EPHA6: variants seen among roughly 807,000 people sequenced by gnomAD.
EPHA6 encodes ephrin type-A receptor 6.
Under a neutral mutation model 112.0 loss-of-function variants are expected in EPHA6, and 50 were observed. The observed-to-expected ratio is 0.45, with a 90% CI of 0.36 to 0.56. The LOEUF (loss-of-function observed/expected upper bound fraction) is 0.56, where lower values mean the gene tolerates loss of function less well. EPHA6 is among the 20% of genes least tolerant of loss of function. EPHA6 has a pLI of 0.00. For synonymous variants in EPHA6, 529 were observed against 490.7 expected, an observed-to-expected ratio of 1.08 and a Z score of -1.03; for missense variants, 1,280 against 1,417.4, an observed-to-expected ratio of 0.90 and a Z score of 1.56.
chr3:97,465,862 T>C (rs1158022880), intron 7 of EPHA6, among the ~76,000 whole-genome samples: 3 of 152,070 alleles, frequency 2.0e-5, no homozygotes, highest in Non-Finnish European at 4.4e-5. Flanking sequence ...CTCCAGTATT[T>C]TGGTGATAAT....
At chr3:97,454,043 G>A (rs1185852646) in intron 7 of EPHA6, among the ~76,000 whole-genome samples, 2 of 151,706 alleles carry the variant, frequency 1.3e-5, no homozygotes, top group Non-Finnish European at 3.0e-5. Flanking sequence ...GGAAAAATTA[G>A]ATTATTTGGA....
chr3:97,516,250 G>A (rs2092447225), intron 10 of EPHA6, among the ~76,000 whole-genome samples: 1 of 152,120 alleles, frequency 6.6e-6, no homozygotes, highest in African/African-American at 2.4e-5. Context: ...AACAGTTAGG[G>A]GTGACACCAG....
intron 2 of EPHA6, among the ~76,000 whole-genome samples, chr3:96,945,706 AT>A (rs779683506): frequency 4.6e-5 from 7 of 152,076 alleles, no homozygotes; most frequent in East Asian, 3.9e-4. Context: ...GATGAAAAAA[AT>A]ATATATATAT....
intron 12 of EPHA6, among the ~76,000 whole-genome samples, chr3:97,603,944 T>C (rs890874211): frequency 1.3e-5 from 2 of 151,784 alleles, no homozygotes; most frequent in Admixed American, 1.3e-4. Flanking sequence ...ACTTCTTAGC[T>C]TAGGATTCAA....
At chr3:97,563,718 G>T (rs2093223862) in intron 11 of EPHA6, among the ~76,000 whole-genome samples, 1 of 152,126 alleles carries the variant, frequency 6.6e-6, no homozygotes, top group African/African-American at 2.4e-5. Flanking sequence ...ACAGTGAATG[G>T]AGTATAAGAA....
intron 6 of EPHA6, among the ~76,000 whole-genome samples, 166 bp from the exon 7 acceptor site, chr3:97,448,402 T>C (rs917451004): frequency 1.3e-5 from 2 of 152,182 alleles, no homozygotes; most frequent in Non-Finnish European, 2.9e-5. Flanking sequence ...TGCATCATTA[T>C]GATAAACAGC....
chr3:97,061,508 C>T (rs1229170479), intron 3 of EPHA6, among the ~76,000 whole-genome samples: 22 of 152,084 alleles, frequency 1.4e-4, no homozygotes, highest in Admixed American at 1.4e-3. Flanking sequence ...CCCTGTATTT[C>T]TTCAATAATT....
intron 2 of EPHA6, among the ~76,000 whole-genome samples, chr3:96,982,943 T>A (rs2042859677): frequency 6.6e-6 from 1 of 152,212 alleles, no homozygotes; most frequent in Non-Finnish European, 1.5e-5. Flanking sequence ...TGAGCCTATG[T>A]GTGTCTCTGC....
chr3:97,726,250 T>C (rs2034761778), intron 15 of EPHA6, among the ~76,000 whole-genome samples: 1 of 152,112 alleles, frequency 6.6e-6, no homozygotes, highest in South Asian at 2.1e-4. Context: ...TGCTTACTCC[T>C]AAATGCATGC....
intron 3 of EPHA6, among the ~76,000 whole-genome samples, chr3:97,101,769 C>A (rs2036351): frequency 0.21 from 32,032 of 151,972 alleles, 4,790 homozygotes; most frequent in African/African-American, 0.4. Context: ...TTTACAAAAT[C>A]TTCCTGAGTT....
At chr3:96,980,612 G>A (rs1460907032) in intron 2 of EPHA6, among the ~76,000 whole-genome samples, 2 of 152,134 alleles carry the variant, frequency 1.3e-5, no homozygotes, top group African/African-American at 4.8e-5. Context: ...GCTTGATGGG[G>A]ATGGCATTGA....
chr3:97,475,617 G>A (rs1490895491), intron 8 of EPHA6, among the ~76,000 whole-genome samples, 157 bp downstream of exon 8: 1 of 152,122 alleles, frequency 6.6e-6, no homozygotes, highest in African/African-American at 2.4e-5. Flanking sequence ...TTAGTTCTCT[G>A]TTTCAACAGG....
At chr3:97,306,771 G>T (rs964560441) in intron 5 of EPHA6, among the ~76,000 whole-genome samples, 2 of 151,710 alleles carry the variant, frequency 1.3e-5, no homozygotes, top group African/African-American at 4.8e-5. Context: ...AATATCCTGA[G>T]CTCTAGGAAC....
At chr3:97,193,233 A>G (rs572492295) in intron 3 of EPHA6, among the ~76,000 whole-genome samples, 9 of 152,268 alleles carry the variant, frequency 5.9e-5, no homozygotes, top group South Asian at 4.1e-4. Context: ...TATGGGTACT[A>G]TAAACATTTT....
intron 5 of EPHA6, among the ~76,000 whole-genome samples, chr3:97,320,879 A>G (rs2082088241): frequency 6.6e-6 from 1 of 151,050 alleles, no homozygotes. Context: ...CATCCTTGTC[A>G]AGAGGTAATT....
At chr3:96,926,929 G>T (rs1473226723) in intron 2 of EPHA6, among the ~76,000 whole-genome samples, 1 of 152,212 alleles carries the variant, frequency 6.6e-6, no homozygotes, top group Non-Finnish European at 1.5e-5. Flanking sequence ...CAGTGCCCCA[G>T]TAGGGACTCT....
Position 97,384,668 on chromosome 3 carries a change from G to A in EPHA6, c.1607-20482G>A, listed in dbSNP as rs146367735. Among the ~76,000 whole-genome samples, 147 of 152,224 alleles carry A rather than the reference G, an allele frequency of 9.7e-4. 1 individual carries two copies. Among genetic ancestry groups the A allele is most frequent in the African/African-American group, 3.3e-3 (136 of 41,538 alleles). ...TAATCTAATATTTTTTCCCAAAGTA[G>A]TATTCCAATATCCAAAGAATTTATG... On this transcript the variant is annotated intron_variant, in intron 5 of 17. Transcript: ENST00000389672.
chr3:97,031,597 C>CA (rs1346902953), intron 3 of EPHA6, among the ~76,000 whole-genome samples: 1 of 151,868 alleles, frequency 6.6e-6, no homozygotes, highest in Non-Finnish European at 1.5e-5. Flanking sequence ...AACAAGTTTA[C>CA]AAGAAAAAAA....
At chr3:97,313,016 C>T (rs1006345235) in intron 5 of EPHA6, among the ~76,000 whole-genome samples, 1 of 151,284 alleles carries the variant, frequency 6.6e-6, no homozygotes, top group Admixed American at 6.6e-5. Context: ...TTTATCTTGC[C>T]AGTCTGTGTG....
Sources: allele counts gnomAD v4.1 joint callset (sites outside exome capture counted in the v4.1 genomes callset), GRCh38; gene constraint gnomAD v4.1.1; transcripts MANE v1.5; gene names NCBI Gene and HGNC (gene_info 2026-07-23, HGNC 2026-07-21).